Variants in STK31 observed in about 807,000 individuals in gnomAD.
STK31 encodes the protein serine/threonine kinase 31.
A neutral mutation model predicts 129.7 loss-of-function variants in STK31; 89 were observed. The ratio of observed to expected loss-of-function variants is 0.69; its 90% CI spans 0.58 to 0.82. The LOEUF (loss-of-function observed/expected upper bound fraction) is 0.82. Ranked by LOEUF, STK31 falls within the 40% of genes least tolerant of loss-of-function variation. The probability of loss-of-function intolerance (pLI) is 0.00; values close to 1 mark genes in which losing one functional copy is unlikely to be tolerated. For synonymous variants in STK31, 448 were observed against 395.3 expected (o/e 1.13, Z -1.58); for missense variants, 1,187 against 1,176.4 (o/e 1.01, Z -0.13).
chr7:23,742,338 G>A (rs192012645), intron 8 of STK31, among the ~76,000 whole-genome samples: 34 of 152,340 alleles, frequency 2.2e-4, no homozygotes, highest in Admixed American at 2.2e-3. Flanking sequence ...CCTCCTGGGG[G>A]TGCATGGGCA....
chr7:23,725,866 A>C (rs1363092223), intron 4 of STK31: 7 of 152,228 alleles, frequency 4.6e-5, no homozygotes, highest in Non-Finnish European at 8.8e-5. Context: ...CTTTTTATAC[A>C]ACTCTAACAA....
At chr7:23,830,528 A>AT (rs1192260083) in intron 23 of STK31, among the ~76,000 whole-genome samples, 1 of 149,842 alleles carries the variant, frequency 6.7e-6, no homozygotes. Context: ...ACATTTTCTA[A>AT]TTCCCTCTTT....
chr7:23,715,140 A>G (rs1786225474), intron 3 of STK31, among the ~76,000 whole-genome samples: 1 of 152,180 alleles, frequency 6.6e-6, no homozygotes, highest in African/African-American at 2.4e-5. Context: ...ATAGGCATAG[A>G]GAAGACTAGA....
chr7:23,786,333 C>G (rs2128111224), intron 18 of STK31, among the ~76,000 whole-genome samples, 175 bp from the exon 19 acceptor site: 1 of 152,090 alleles, frequency 6.6e-6, no homozygotes, highest in East Asian at 1.9e-4. Flanking sequence ...TAGAATTGCA[C>G]TTTCCTTTTC....
chr7:23,754,307 A>G lies in STK31; in HGVS notation c.1134-8A>G, dbSNP rs755592113. ...TGATCTTCTTCTTTTTGATGTTTTT[A>G]AAAATAGGCATGTCGACATCAGTGT... On this transcript the variant is annotated splice_region_variant and splice_polypyrimidine_tract_variant and intron_variant, in intron 9 of 23. Coordinates refer to ENST00000355870, the MANE Select transcript of STK31 (RefSeq NM_031414.5). 1 of 1,594,684 alleles carries G rather than the reference A, an allele frequency of 6.3e-7. No homozygotes were observed. Among genetic ancestry groups the G allele is most frequent in the South Asian group, 1.2e-5 (1 of 86,460 alleles).
At chr7:23,785,943 T>C (rs1273233420) in intron 18 of STK31, among the ~76,000 whole-genome samples, 2 of 152,178 alleles carry the variant, frequency 1.3e-5, no homozygotes, top group Middle Eastern at 3.4e-3. Context: ...TGTATACATA[T>C]GTAACAAACC....
At chr7:23,717,378 A>G (rs1786407867) in intron 3 of STK31, 103 bp from the exon 4 acceptor site, 1 of 643,536 alleles carries the variant, frequency 1.6e-6, no homozygotes, top group Non-Finnish European at 2.4e-6. Flanking sequence ...TTTAATTTCT[A>G]ATGGCCTAAA....
chr7:23,744,524 T>C (rs1396736503), intron 8 of STK31, among the ~76,000 whole-genome samples: 1 of 152,212 alleles, frequency 6.6e-6, no homozygotes, highest in Non-Finnish European at 1.5e-5. Flanking sequence ...CTTCTCATGT[T>C]TCTTTTGTTA....
At chr7:23,723,303 A>T (rs548646866) in intron 4 of STK31, among the ~76,000 whole-genome samples, 20 of 152,296 alleles carry the variant, frequency 1.3e-4, no homozygotes, top group African/African-American at 4.6e-4. Context: ...GAGCATGCAG[A>T]TAAGTGTCTC....
At chr7:23,799,508 T>A (rs60722869) in intron 22 of STK31, among the ~76,000 whole-genome samples, 23,001 of 152,094 alleles carry the variant, frequency 0.15, 2,029 homozygotes, top group Non-Finnish European at 0.21. Context: ...GATTCCCTAT[T>A]TAATAAATGG....
At chr7:23,747,604 G>A (rs1227446724) in intron 8 of STK31, among the ~76,000 whole-genome samples, 2 of 152,060 alleles carry the variant, frequency 1.3e-5, no homozygotes, top group Admixed American at 6.6e-5. Context: ...TCCTGACCTC[G>A]TGATCCACCC....
Position 23,781,510 on chromosome 7 carries a change from G to C in STK31, c.2057G>C (p.Arg686Thr), listed in dbSNP as rs1286876299. 6.2e-7 allele frequency: 1 copy of C among 1,605,590 alleles called. No individual in the cohort carries two copies. The highest frequency in any genetic ancestry group is 8.5e-7 in the Non-Finnish European group (1 of 1,176,332). ...GTCTTTCAGGAAATTTATCATGAGA[G>C]AGAGGAATATGTAAGTATTTGGTTC... ...NNVFQEIYHE[R>T]EEYEMLTSLA... The change falls in exon 16 of 24, where the codon AGA becomes ACA. Residue 686 changes from arginine to threonine, a missense_variant. By Grantham distance (71) the Arg-to-Thr change is moderately conservative. Around this residue, in one of 5 missense-constraint regions of STK31, gnomAD observed 975 missense variants for 934.9 expected, o/e 1.04. Coordinates refer to ENST00000355870, the MANE Select transcript of STK31 (RefSeq NM_031414.5).
intron 6 of STK31, among the ~76,000 whole-genome samples, chr7:23,735,273 A>G (rs1435164845): frequency 6.6e-6 from 1 of 152,198 alleles, no homozygotes; most frequent in African/African-American, 2.4e-5. Flanking sequence ...AAAAAAAACT[A>G]TTCTAGGATA....
At position 23,770,085 on chromosome 7, in the gene STK31, T is replaced by C. The variant is rs184844941; in HGVS notation, c.1713+329T>C. ...TTGAATGCGTCATACCAAATGACTA[T>C]AAGAAGAGACTCCTTAGAGTTTGTG... On this transcript the variant is annotated intron_variant, in intron 13 of 23. Transcript: ENST00000355870. Among the ~76,000 whole-genome samples, 576 of 152,332 alleles carry C rather than the reference T, an allele frequency of 3.8e-3. 4 individuals carry two copies. Among genetic ancestry groups the C allele is most frequent in the Middle Eastern group, 0.02 (6 of 294 alleles).
In STK31 at chr7:23,795,367, T is replaced by G. The variant is rs556406540; in HGVS notation, c.2760+4421T>G. On this transcript the variant is annotated intron_variant, in intron 22 of 23. Transcript: ENST00000355870. Reference sequence around the variant, plus strand: ...TGCACAGAAGTCAAGAATGGTGGTTTGGGAACTTCCACCTAGATTTCAGAG... The same window carrying G: ...TGCACAGAAGTCAAGAATGGTGGTTGGGGAACTTCCACCTAGATTTCAGAG... Among the ~76,000 whole-genome samples the G allele has an allele frequency of 1.4e-4, 21 of 152,340 alleles. 1 individual carries two copies. The South Asian group carries it at 4.3e-3, about 32-fold the overall frequency.
chr7:23,719,519 A>G (rs771445943), intron 4 of STK31, among the ~76,000 whole-genome samples: 4 of 152,140 alleles, frequency 2.6e-5, no homozygotes, highest in Non-Finnish European at 4.4e-5. Context: ...TTAAACTTCT[A>G]AAGCAACATT....
intron 4 of STK31, chr7:23,725,948 A>C (rs1382035836): frequency 6.6e-6 from 1 of 152,196 alleles, no homozygotes; most frequent in Admixed American, 6.5e-5. Context: ...ATGGTGAGAG[A>C]GGAAGCAAAG....
At chr7:23,796,156 C>T (rs562819262) in intron 22 of STK31, among the ~76,000 whole-genome samples, 1 of 152,308 alleles carries the variant, frequency 6.6e-6, no homozygotes, top group South Asian at 2.1e-4. Flanking sequence ...GTGTCAAGGG[C>T]AGGCCCAGGT....
intron 22 of STK31, among the ~76,000 whole-genome samples, chr7:23,802,405 A>G (rs1424909454): frequency 6.6e-6 from 1 of 152,216 alleles, no homozygotes; most frequent in African/African-American, 2.4e-5. Flanking sequence ...CTGATAAGTG[A>G]AGTCTGCTGG....
Sources: allele counts gnomAD v4.1 joint callset (sites outside exome capture counted in the v4.1 genomes callset), GRCh38; gene constraint gnomAD v4.1.1; regional missense constraint gnomAD v4.1.1; transcripts MANE v1.5; gene names NCBI Gene and HGNC (gene_info 2026-07-23, HGNC 2026-07-21).